The following F8 variants were observed in gnomAD, a reference collection of about 807,000 sequenced individuals.
The protein encoded by F8 is antihemophilic factor.
Under a neutral mutation model 140.6 loss-of-function variants are expected in F8, and 12 were observed. That is an observed-to-expected ratio of 0.09 (90% CI 0.05 to 0.14). The LOEUF is 0.14. Ranked by LOEUF, F8 falls within the 10% of genes least tolerant of loss-of-function variation. The pLI is 1.00. For missense variants in F8, 1,354 were observed against 1,720.7 expected, an observed-to-expected ratio of 0.79 and a Z score of 3.77; for synonymous variants, 585 against 614.6, an observed-to-expected ratio of 0.95 and a Z score of 0.71.
intron 21 of F8, among the ~76,000 whole-genome samples, chrX:154,897,394 T>C (rs782817336): frequency 4.7e-4 from 53 of 112,974 alleles, no homozygotes; most frequent in African/African-American, 1.7e-3. Context: ...AGCACTGTTT[T>C]AGATACAGGG....
chrX:154,924,515 C>A (rs1377478172), intron 14 of F8, among the ~76,000 whole-genome samples: 4 of 111,634 alleles, frequency 3.6e-5, no homozygotes, highest in African/African-American at 9.8e-5. Context: ...TGTGGAACTT[C>A]GAATTTGAAA....
At position 154,853,402 on chromosome X, in the gene F8, G is replaced by A. The variant is rs145621430; in HGVS notation, c.6900+7030C>T. Among the ~76,000 whole-genome samples, 20 of 111,074 alleles carry A rather than the reference G, an allele frequency of 1.8e-4. No homozygotes were observed. In the East Asian group the frequency reaches 3.6e-3, roughly 20 times the overall value. ...CATAATTATTTCATATTATGTATCC[G>A]ATAATGTCAATATCTGGTGTTCTTC... On this transcript the variant is annotated intron_variant, in intron 25 of 25. Coordinates refer to ENST00000360256, the MANE Select transcript of F8 (RefSeq NM_000132.4).
chrX:154,891,649 C>T (rs1261942399), intron 22 of F8, among the ~76,000 whole-genome samples: 1 of 112,609 alleles, frequency 8.9e-6, no homozygotes, highest in Non-Finnish European at 1.9e-5. Context: ...ACTTAATACT[C>T]TTGTTCCTAC....
At chrX:154,966,398 A>G (rs2073423763) in intron 8 of F8, 28 bp downstream of exon 8, 7 of 1,205,964 alleles carry the variant, frequency 5.8e-6, no homozygotes, top group Non-Finnish European at 6.7e-6. Flanking sequence ...TGGGGAAGAG[A>G]GAGTACCAAT....
At chrX:154,978,408 G>A (rs2073499223) in intron 6 of F8, among the ~76,000 whole-genome samples, 2 of 111,646 alleles carry the variant, frequency 1.8e-5, no homozygotes, top group South Asian at 7.5e-4. Flanking sequence ...GGCATGTGAT[G>A]TGAAACAAAC....
At chrX:154,869,007 A>C (rs1323844801) in intron 22 of F8, among the ~76,000 whole-genome samples, 3 of 112,005 alleles carry the variant, frequency 2.7e-5, no homozygotes, top group Non-Finnish European at 3.8e-5. Flanking sequence ...AACTATCCTA[A>C]ATACATATGC....
rs1422668480 is a variant in F8, at chrX:154,939,668, T to C, written c.2114-7992A>G. On this transcript the variant is annotated intron_variant, in intron 13 of 25. Transcript: ENST00000360256. Reference sequence around the variant, plus strand: ...TGTCTGACAGCTTTGAAGAGAGTAGTGGTTCTCCCAGCACGCAGCTTGAGA... The same window carrying C: ...TGTCTGACAGCTTTGAAGAGAGTAGCGGTTCTCCCAGCACGCAGCTTGAGA... 2.7e-5 allele frequency among the ~76,000 whole-genome samples: 3 copies of C among 112,120 alleles called. No homozygotes were observed. In the Admixed American group the frequency reaches 2.8e-4, roughly 11 times the overall value.
chrX:154,914,909 C>T (rs369703268), intron 14 of F8, among the ~76,000 whole-genome samples: 2 of 111,639 alleles, frequency 1.8e-5, no homozygotes, highest in African/African-American at 6.5e-5. Flanking sequence ...CAGTGCCCCC[C>T]CTACCTCGGT....
rs782641414 is a variant in F8, at chrX:154,930,901, A to G, written c.2889T>C (p.Asp963=). ...GPLSLSEENN[D]SKLLESGLMN... is the part of the protein sequence containing the mutation. Reference sequence around the variant, plus strand: ...TTAAACCTGATTCTAACAACTTTGAATCATTATTTTCTTCACTCAAGCTCA... The same window carrying G: ...TTAAACCTGATTCTAACAACTTTGAGTCATTATTTTCTTCACTCAAGCTCA... Residue 963 remains aspartate (D), a synonymous_variant, in exon 14 of 26, where the codon GAT becomes GAC. Transcript: ENST00000360256. The G allele has an allele frequency of 3.3e-6, 4 of 1,201,880 alleles. No individual in the cohort carries two copies. The South Asian group carries it at 7.3e-5, about 22-fold the overall frequency.
Position 154,836,230 on chromosome X carries a change from G to A in F8, c.*1367C>T. On this transcript the variant is annotated 3_prime_UTR_variant, in exon 26 of 26. Coordinates refer to ENST00000360256, the MANE Select transcript of F8 (RefSeq NM_000132.4). ...TGGGATCCATTTTTCTTTCATATTAGGATCTCCTGTTTTCCATTTGCCCTG... is the reference window on the plus strand; with the variant it reads ...TGGGATCCATTTTTCTTTCATATTAAGATCTCCTGTTTTCCATTTGCCCTG... The A allele has an allele frequency of 9.0e-6, 1 of 111,533 alleles. No homozygotes were observed. The highest frequency in any genetic ancestry group is 1.9e-5 in the Non-Finnish European group (1 of 53,109). The allele number at this position is 111,533 out of a possible 1,213,427, so 9.2% of individuals were successfully genotyped here. A position where few individuals can be genotyped will look rare whatever the true frequency, so the allele number is the denominator to read the frequency against.
chrX:154,977,812 T>C (rs2073495965), intron 6 of F8, among the ~76,000 whole-genome samples: 2 of 111,026 alleles, frequency 1.8e-5, no homozygotes, highest in South Asian at 3.8e-4. Context: ...TTGGTAGACT[T>C]GGAAATTTTT....
chrX:154,852,062 T>C (rs1557272186), intron 25 of F8, among the ~76,000 whole-genome samples: 1 of 111,761 alleles, frequency 8.9e-6, no homozygotes, highest in Non-Finnish European at 1.9e-5. Flanking sequence ...AGTTTTTTGA[T>C]ACATTTTTAG....
intron 14 of F8, among the ~76,000 whole-genome samples, chrX:154,923,783 C>T (rs1054305065): frequency 5.4e-5 from 6 of 110,922 alleles, no homozygotes; most frequent in Admixed American, 4.8e-4. Flanking sequence ...TGGGAGGGGA[C>T]AGGGGGAATG....
chrX:154,858,709 C>A (rs1557272602), intron 25 of F8, among the ~76,000 whole-genome samples: 1 of 112,087 alleles, frequency 8.9e-6, no homozygotes, highest in Non-Finnish European at 1.9e-5. Flanking sequence ...AAAGTCAATA[C>A]AGAATGGGTA....
At chrX:154,903,802 C>T (rs1236774119) in intron 18 of F8, 104 bp downstream of exon 18, 2 of 670,145 alleles carry the variant, frequency 3.0e-6, no homozygotes, top group African/African-American at 4.3e-5. Context: ...GAGCATGGAG[C>T]TTGTCTGCTT....
Position 154,930,104 on chromosome X carries a change from A to G in F8, c.3686T>C (p.Val1229Ala). The change falls in exon 14 of 26, where the codon GTT (valine) becomes GCT (alanine). Residue 1229 changes from valine to alanine, a missense_variant. Around this residue, in one of 4 missense-constraint regions of F8, gnomAD observed 658 missense variants for 666.5 expected, o/e 0.99. Transcript: ENST00000360256. ...KKETLIQENV[V>A]LPQIHTVTGT... is the part of the protein sequence containing the mutation. ...AGTCACTGTATGTATCTGAGGCAAA[A>G]CTACATTCTCTTGGATTAATGTTTC... is the stretch of plus-strand genomic sequence containing the variant. The G allele has an allele frequency of 8.3e-7, 1 of 1,210,423 alleles. No homozygotes were observed. Among genetic ancestry groups the G allele is most frequent in the Non-Finnish European group, 1.1e-6 (1 of 894,887 alleles).
chrX:154,917,883 A>T (rs1176926998), intron 14 of F8, among the ~76,000 whole-genome samples: 3 of 111,398 alleles, frequency 2.7e-5, no homozygotes, highest in Non-Finnish European at 5.7e-5. Flanking sequence ...TGAATTATTG[A>T]TTTGAGAGCT....
intron 1 of F8, among the ~76,000 whole-genome samples, chrX:155,010,726 C>A (rs1040017719): frequency 8.1e-5 from 9 of 110,442 alleles, no homozygotes; most frequent in African/African-American, 3.0e-4. Context: ...AAAATTATCT[C>A]AATATTAATT....
At chrX:154,996,569 C>T (rs782422490) in intron 3 of F8, among the ~76,000 whole-genome samples, 2 of 111,861 alleles carry the variant, frequency 1.8e-5, no homozygotes, top group African/African-American at 3.3e-5. Flanking sequence ...GTGGGATACC[C>T]GTGTCAACTG....
Sources: allele counts gnomAD v4.1 joint callset (sites outside exome capture counted in the v4.1 genomes callset), GRCh38; gene constraint gnomAD v4.1.1; regional missense constraint gnomAD v4.1.1; transcripts MANE v1.5; gene names NCBI Gene and HGNC (gene_info 2026-07-23, HGNC 2026-07-21).